Variants in RPH3A observed in about 807,000 individuals in gnomAD.
RPH3A encodes the protein rabphilin-3A.
RPH3A carries 48 observed loss-of-function variants against 102.2 expected under a neutral mutation model. The ratio of observed to expected loss-of-function variants is 0.47; its 90% confidence interval spans 0.37 to 0.60. RPH3A has a LOEUF of 0.60. RPH3A is among the 20% of genes least tolerant of loss of function. The pLI is 0.00. For synonymous variants in RPH3A, 310 were observed against 324.3 expected (o/e 0.96, Z 0.47); for missense variants, 781 against 910.1 (o/e 0.86, Z 1.83).
At chr12:112,593,683 C>G (rs1477537613) in intron 1 of RPH3A, among the ~76,000 whole-genome samples, 1 of 152,194 alleles carries the variant, frequency 6.6e-6, no homozygotes, top group Non-Finnish European at 1.5e-5. Context: ...AGAACCAACT[C>G]TTATTGAGTG....
intron 10 of RPH3A, among the ~76,000 whole-genome samples, chr12:112,870,346 C>A (rs1425343246): frequency 6.7e-6 from 1 of 150,078 alleles, no homozygotes; most frequent in Non-Finnish European, 1.5e-5. Flanking sequence ...GGGAAAAATG[C>A]CCCTAGGCTT....
At chr12:112,777,723 T>C (rs192535257) in intron 1 of RPH3A, among the ~76,000 whole-genome samples, 2 of 152,364 alleles carry the variant, frequency 1.3e-5, no homozygotes, top group East Asian at 3.9e-4. Flanking sequence ...AGGATATTGT[T>C]TATTTTTACT....
intron 5 of RPH3A, among the ~76,000 whole-genome samples, chr12:112,850,143 C>T (rs1362321487): frequency 6.6e-6 from 1 of 152,154 alleles, no homozygotes; most frequent in Non-Finnish European, 1.5e-5. Context: ...CTGCCACTTA[C>T]CCACTGCATG....
intron 2 of RPH3A, among the ~76,000 whole-genome samples, chr12:112,810,002 C>T (rs1401122901): frequency 1.3e-5 from 2 of 152,140 alleles, no homozygotes; most frequent in African/African-American, 2.4e-5. Context: ...TCTATGGCTT[C>T]GGTATCCCCA....
At chr12:112,860,393 T>C (rs1316078580) in intron 5 of RPH3A, among the ~76,000 whole-genome samples, 1 of 152,168 alleles carries the variant, frequency 6.6e-6, no homozygotes, top group East Asian at 1.9e-4. Flanking sequence ...TTCTGTGCCA[T>C]TTGCTGCTGC....
chr12:112,621,380 G>C (rs2039723036), intron 1 of RPH3A, among the ~76,000 whole-genome samples: 1 of 150,172 alleles, frequency 6.7e-6, no homozygotes, highest in African/African-American at 2.5e-5. Context: ...GCAGGGCGAG[G>C]CATTGCCTCA....
intron 2 of RPH3A, among the ~76,000 whole-genome samples, chr12:112,803,778 C>G (rs2041401583): frequency 6.6e-6 from 1 of 152,152 alleles, no homozygotes; most frequent in African/African-American, 2.4e-5. Flanking sequence ...CAGGAGGAGG[C>G]AGTATGCGCA....
chr12:112,693,222 T>G (rs1644405737), intron 1 of RPH3A, among the ~76,000 whole-genome samples: 2 of 152,238 alleles, frequency 1.3e-5, no homozygotes, highest in African/African-American at 4.8e-5. Flanking sequence ...TGTCTACAGA[T>G]GTATTGTGAC....
At chr12:112,603,949 G>GA (rs1714691333) in intron 1 of RPH3A, among the ~76,000 whole-genome samples, 1 of 152,206 alleles carries the variant, frequency 6.6e-6, no homozygotes, top group African/African-American at 2.4e-5. Flanking sequence ...TGGAAGGCAG[G>GA]AGGGGACACA....
At chr12:112,659,706 T>C (rs2040036525) in intron 1 of RPH3A, among the ~76,000 whole-genome samples, 1 of 152,202 alleles carries the variant, frequency 6.6e-6, no homozygotes, top group Admixed American at 6.5e-5. Context: ...TGTCAATCAA[T>C]CTATCTATCC....
At chr12:112,720,306 C>G (rs1320624636) in intron 1 of RPH3A, among the ~76,000 whole-genome samples, 2 of 152,214 alleles carry the variant, frequency 1.3e-5, no homozygotes, top group East Asian at 1.9e-4. Flanking sequence ...GGTAATCAAG[C>G]TAGGCATCTG....
intron 1 of RPH3A, among the ~76,000 whole-genome samples, chr12:112,778,514 G>A (rs917660889): frequency 6.6e-6 from 1 of 152,020 alleles, no homozygotes; most frequent in Non-Finnish European, 1.5e-5. Context: ...TTTTTAGTTG[G>A]AACACAATTT....
intron 1 of RPH3A, among the ~76,000 whole-genome samples, chr12:112,772,336 C>A (rs1241656489): frequency 6.6e-6 from 1 of 152,200 alleles, no homozygotes; most frequent in East Asian, 1.9e-4. Context: ...CAGCACTGGT[C>A]TCCAAGGCGA....
At chr12:112,711,387 C>A (rs750408656) in intron 1 of RPH3A, among the ~76,000 whole-genome samples, 4 of 151,878 alleles carry the variant, frequency 2.6e-5, no homozygotes, top group Non-Finnish European at 5.9e-5. Flanking sequence ...TTCCTTAAAG[C>A]CTTGAGAAGA....
chr12:112,721,176 A>G (rs1407416711), intron 1 of RPH3A, among the ~76,000 whole-genome samples: 1 of 152,210 alleles, frequency 6.6e-6, no homozygotes, highest in East Asian at 1.9e-4. Flanking sequence ...AGCTAAAAAC[A>G]AAGCTCTAAA....
At chr12:112,748,235 C>T (rs1288822464) in intron 1 of RPH3A, among the ~76,000 whole-genome samples, 1 of 152,166 alleles carries the variant, frequency 6.6e-6, no homozygotes, top group Non-Finnish European at 1.5e-5. Context: ...CAGCCTGACT[C>T]ATTATAGATC....
intron 16 of RPH3A, 106 bp from the exon 17 acceptor site, chr12:112,887,690 CA>C: frequency 8.3e-7 from 1 of 1,201,732 alleles, no homozygotes; most frequent in Non-Finnish European, 1.2e-6. Context: ...ATATTATTTC[CA>C]CATACATTAC....
chr12:112,877,476 C>T (rs891625738), intron 13 of RPH3A, among the ~76,000 whole-genome samples: 4 of 147,166 alleles, frequency 2.7e-5, no homozygotes, highest in Admixed American at 2.1e-4. Flanking sequence ...CATTTCCCCC[C>T]GCTAACCCTG....
At chr12:112,776,559 G>GAGAGAA (rs2040966970) in intron 1 of RPH3A, among the ~76,000 whole-genome samples, 2 of 151,998 alleles carry the variant, frequency 1.3e-5, no homozygotes, top group African/African-American at 4.8e-5. Flanking sequence ...ATGAGAGAGA[G>GAGAGAA]AGAGAAAGAG....
Sources: gnomAD v4.1 joint callset for allele counts (sites outside exome capture counted in the v4.1 genomes callset) on GRCh38, gnomAD v4.1.1 for gene constraint, MANE v1.5 for transcripts, NCBI Gene and HGNC (gene_info 2026-07-23, HGNC 2026-07-21) for gene names.